HMG20B: variants seen among roughly 807,000 people sequenced by gnomAD.
The protein encoded by HMG20B is high mobility group 20B, also known as SWI/SNF-related matrix-associated actin-dependent regulator of chromatin subfamily E member 1-related.
A neutral mutation model predicts 41.6 loss-of-function variants in HMG20B; 24 were observed. The observed-to-expected ratio is 0.58, with a 90% CI of 0.42 to 0.81. The LOEUF (loss-of-function observed/expected upper bound fraction) is 0.81, where lower values mean the gene tolerates loss of function less well. HMG20B is among the 30% of genes least tolerant of loss of function. The pLI, the probability that HMG20B is intolerant of heterozygous loss-of-function variation, is 0.00. For missense variants in HMG20B, 461 were observed against 444.0 expected (o/e 1.04, Z -0.34); for synonymous variants, 251 against 186.6 (o/e 1.34, Z -2.81).
rs755535674 is a variant in HMG20B, at chr19:3,573,384, T to C, written c.38+37T>C. The C allele has an allele frequency of 6.0e-6, 9 of 1,500,298 alleles. No individual in the cohort carries two copies. The South Asian group carries it at 1.1e-4, about 19-fold the overall frequency. 92.9% of individuals were successfully genotyped at this position (1,500,298 alleles called of 1,614,324 possible). A position where few individuals can be genotyped will look rare whatever the true frequency, so the allele number is the denominator to read the frequency against. ...GATCCCCTCCCCACGCCCTCGCTAC[T>C]TTCCCGGCTGCAGCCCTAGCTCCTG... is the stretch of plus-strand genomic sequence containing the variant. On this transcript the variant is annotated intron_variant, in intron 2 of 9. Transcript: ENST00000333651.
At chr19:3,577,691 G>GC in intron 8 of HMG20B, among the ~76,000 whole-genome samples, 1 of 95,218 alleles carries the variant, frequency 1.1e-5, no homozygotes. Flanking sequence ...CGCGACCCCA[G>GC]CCCCCCGGTG....
intron 1 of HMG20B, 65 bp from the exon 2 acceptor site, chr19:3,573,227 C>G: frequency 7.4e-7 from 1 of 1,354,990 alleles, no homozygotes; most frequent in Admixed American, 2.4e-5. Context: ...GCGGGGTACC[C>G]CAGTTCGCGG....
chr19:3,576,257 C>T lies in HMG20B; in HGVS notation c.473-4C>T, dbSNP rs746521917. 6 of 1,613,790 alleles carry T rather than the reference C, an allele frequency of 3.7e-6. No individual in the cohort carries two copies. Among genetic ancestry groups the T allele is most frequent in the Non-Finnish European group, 4.2e-6 (5 of 1,179,846 alleles). The stretch of plus-strand genomic sequence containing the variant: ...CTGACCCTGCCCTTCCCCTCCCCCG[C>T]CAGAAGACTCGAGCTCTGGGCTCAT... On this transcript the variant is annotated splice_region_variant and splice_polypyrimidine_tract_variant and intron_variant, in intron 5 of 9. Transcript: ENST00000333651.
chr19:3,573,230 G>T (rs2032079715), intron 1 of HMG20B, 62 bp from the exon 2 acceptor site: 1 of 1,388,692 alleles, frequency 7.2e-7, no homozygotes, highest in Non-Finnish European at 9.6e-7. Context: ...GGGTACCCCA[G>T]TTCGCGGTCT....
intron 3 of HMG20B, 28 bp from the exon 4 acceptor site, chr19:3,574,355 C>A (rs777524987): frequency 6.4e-7 from 1 of 1,555,170 alleles, no homozygotes. Context: ...CCAGGCCCCC[C>A]TCCCAACGAC....
intron 5 of HMG20B, 61 bp from the exon 6 acceptor site, chr19:3,576,200 G>C: frequency 6.7e-7 from 1 of 1,490,968 alleles, no homozygotes; most frequent in Middle Eastern, 1.7e-4. Flanking sequence ...CTGACCTAGG[G>C]TGCAGGGCGT....
chr19:3,577,148 C>T (rs1233053859), intron 8 of HMG20B, 41 bp downstream of exon 8: 1 of 1,331,446 alleles, frequency 7.5e-7, no homozygotes, highest in East Asian at 2.7e-5. Context: ...CCCGGTCACC[C>T]GGCCCCGCCC....
In HMG20B at chr19:3,576,256, G is replaced by T. The variant is rs757572351; in HGVS notation, c.473-5G>T. 3 of 1,613,472 alleles carry T rather than the reference G, an allele frequency of 1.9e-6. No individual in the cohort carries two copies. Among genetic ancestry groups the T allele is most frequent in the African/African-American group, 2.7e-5 (2 of 74,894 alleles). On this transcript the variant is annotated splice_region_variant and splice_polypyrimidine_tract_variant and intron_variant, in intron 5 of 9. Coordinates refer to ENST00000333651, the MANE Select transcript of HMG20B (RefSeq NM_006339.3). ...GCTGACCCTGCCCTTCCCCTCCCCC[G>T]CCAGAAGACTCGAGCTCTGGGCTCA...
chr19:3,573,077 C>T (rs924105789), intron 1 of HMG20B, 83 bp downstream of exon 1: 12 of 490,910 alleles, frequency 2.4e-5, no homozygotes, highest in African/African-American at 2.3e-4. Flanking sequence ...CTTTCCTGGC[C>T]CGGGGGAAAC....
At position 3,578,539 on chromosome 19, in the gene HMG20B, G is replaced by C. The variant is rs564002469; in HGVS notation, c.*18G>C. The C allele has an allele frequency of 1.3e-6, 2 of 1,568,366 alleles. No individual in the cohort carries two copies. Among genetic ancestry groups the C allele is most frequent in the African/African-American group, 2.7e-5 (2 of 73,736 alleles). On this transcript the variant is annotated 3_prime_UTR_variant, in exon 10 of 10. Transcript: ENST00000333651. Reference sequence around the variant, plus strand: ...ACCTGTGAGGAGTGGGCGGGCCCACGATGCAGAGGAGAAGCTGTGGGCGCG... The same window carrying C: ...ACCTGTGAGGAGTGGGCGGGCCCACCATGCAGAGGAGAAGCTGTGGGCGCG...
intron 4 of HMG20B, 90 bp from the exon 5 acceptor site, chr19:3,575,450 G>A (rs2032136146): frequency 1.7e-5 from 26 of 1,532,626 alleles, no homozygotes; most frequent in South Asian, 1.3e-4. Context: ...GTTCAGGAGA[G>A]GGGAGGGTGC....
intron 6 of HMG20B, 89 bp from the exon 7 acceptor site, chr19:3,576,464 C>T: frequency 7.2e-7 from 1 of 1,388,896 alleles, no homozygotes; most frequent in South Asian, 1.2e-5. Flanking sequence ...CCGGGGTGTC[C>T]CAGGAGACCC....
intron 5 of HMG20B, 27 bp from the exon 6 acceptor site, chr19:3,576,234 G>C (rs1247532138): frequency 1.2e-6 from 2 of 1,611,928 alleles, no homozygotes; most frequent in Non-Finnish European, 1.7e-6. Context: ...CTGGGAGGCT[G>C]ACCCTGCCCT....
In HMG20B at chr19:3,573,300, C is replaced by G; in HGVS notation, c.-10C>G. The G allele has an allele frequency of 6.6e-7, 1 of 1,524,576 alleles. No individual in the cohort carries two copies. The highest frequency in any genetic ancestry group is 1.2e-5 in the South Asian group (1 of 82,682). The allele number at this position is 1,524,576 out of a possible 1,614,324, so 94.4% of individuals were successfully genotyped here. Reference sequence around the variant, plus strand: ...CCGCGTCCGTGTTCCAGGTCCGGCCCGGAGCGGCCATGTCCCACGGCCCCA... The same window carrying G: ...CCGCGTCCGTGTTCCAGGTCCGGCCGGGAGCGGCCATGTCCCACGGCCCCA... On this transcript the variant is annotated 5_prime_UTR_variant, in exon 2 of 10. Coordinates refer to ENST00000333651, the MANE Select transcript of HMG20B (RefSeq NM_006339.3).
chr19:3,577,489 A>T (rs1018303415), intron 8 of HMG20B, among the ~76,000 whole-genome samples: 1 of 6,596 alleles, frequency 1.5e-4, no homozygotes, highest in Non-Finnish European at 2.9e-4. Flanking sequence ...TCGCGCCCCC[A>T]CCGCTCCCTA....
intron 8 of HMG20B, among the ~76,000 whole-genome samples, chr19:3,577,435 C>G (rs1055168491): frequency 2.0e-5 from 3 of 149,598 alleles, no homozygotes; most frequent in African/African-American, 7.4e-5. Flanking sequence ...CGACGCGTCC[C>G]CGCTTACTCG....
At chr19:3,574,274 A>C in intron 3 of HMG20B, 109 bp from the exon 4 acceptor site, 1 of 925,470 alleles carries the variant, frequency 1.1e-6, no homozygotes, top group African/African-American at 1.7e-5. Flanking sequence ...CCTCCCAGCT[A>C]GGCCCCGCCC....
At chr19:3,574,915 C>T (rs1286210503) in intron 4 of HMG20B, among the ~76,000 whole-genome samples, 1 of 152,076 alleles carries the variant, frequency 6.6e-6, no homozygotes, top group Non-Finnish European at 1.5e-5. Flanking sequence ...AATGGGGTTT[C>T]GCCATGTTGG....
At chr19:3,573,225 C>A in intron 1 of HMG20B, 67 bp from the exon 2 acceptor site, 3 of 1,336,392 alleles carry the variant, frequency 2.2e-6, no homozygotes, top group Non-Finnish European at 3.0e-6. Flanking sequence ...TCGCGGGGTA[C>A]CCCAGTTCGC....
Sources: allele counts gnomAD v4.1 joint callset (sites outside exome capture counted in the v4.1 genomes callset), GRCh38; gene constraint gnomAD v4.1.1; transcripts MANE v1.5; gene names NCBI Gene and HGNC (gene_info 2026-07-23, HGNC 2026-07-21).